The following SEMA5A variants were observed in gnomAD, a reference collection of about 807,000 sequenced individuals.
The protein encoded by SEMA5A is semaphorin-5A.
SEMA5A carries 55 observed loss-of-function variants against 135.5 expected under a neutral mutation model. The observed-to-expected ratio is 0.41, with a 90% CI of 0.33 to 0.51. The LOEUF (loss-of-function observed/expected upper bound fraction) is 0.51, where lower values mean the gene tolerates loss of function less well. Among genes scored for constraint, SEMA5A ranks in the 20% least tolerant of loss-of-function variants. SEMA5A has a pLI of 0.37. For missense variants in SEMA5A, 1,290 were observed against 1,419.9 expected (o/e 0.91, Z 1.47); for synonymous variants, 580 against 546.5 (o/e 1.06, Z -0.85).
chr5:9,235,737 G>A lies in SEMA5A; in HGVS notation c.333+2091C>T, dbSNP rs567602371. ...GAATAGTGCTTATTGATGTGTCCAT[G>A]AGACCCAGAAAGAAAGAAAAAGAGG... On this transcript the variant is annotated intron_variant, in intron 6 of 22. Transcript: ENST00000382496. Among the ~76,000 whole-genome samples the A allele has an allele frequency of 4.0e-5, 6 of 150,262 alleles. 1 individual carries two copies. The South Asian group carries it at 1.3e-3, about 31-fold the overall frequency.
intron 1 of SEMA5A, among the ~76,000 whole-genome samples, chr5:9,524,896 G>GC (rs1308873821): frequency 2.0e-5 from 3 of 152,106 alleles, no homozygotes; most frequent in Admixed American, 2.0e-4. Context: ...TCTATTGAAT[G>GC]CCCAAAATTT....
intron 12 of SEMA5A, among the ~76,000 whole-genome samples, chr5:9,141,744 G>C (rs968153639): frequency 3.3e-5 from 5 of 152,000 alleles, no homozygotes; most frequent in Non-Finnish European, 5.9e-5. Context: ...TTGTTAGTTG[G>C]AGTAACAGAA....
chr5:9,458,184 G>A (rs991120423), intron 1 of SEMA5A, among the ~76,000 whole-genome samples: 3 of 151,446 alleles, frequency 2.0e-5, no homozygotes, highest in Admixed American at 6.6e-5. Flanking sequence ...TGGGATTACA[G>A]GCGTGAGCCA....
At chr5:9,223,195 C>T (rs1561040948) in intron 8 of SEMA5A, among the ~76,000 whole-genome samples, 1 of 152,332 alleles carries the variant, frequency 6.6e-6, no homozygotes, top group South Asian at 2.1e-4. Context: ...GAAAACAATT[C>T]ATGTTTCCCT....
At chr5:9,460,591 G>A (rs1011255900) in intron 1 of SEMA5A, among the ~76,000 whole-genome samples, 4 of 151,952 alleles carry the variant, frequency 2.6e-5, no homozygotes, top group Non-Finnish European at 4.4e-5. Context: ...CTACTCACTC[G>A]AAGCAAAACG....
chr5:9,059,244 A>C (rs566148248), intron 18 of SEMA5A, among the ~76,000 whole-genome samples: 2 of 151,734 alleles, frequency 1.3e-5, no homozygotes, highest in East Asian at 3.9e-4. Flanking sequence ...TTAGCTGAAC[A>C]TTACTTAGCA....
At chr5:9,465,816 T>G (rs1759236118) in intron 1 of SEMA5A, among the ~76,000 whole-genome samples, 1 of 152,202 alleles carries the variant, frequency 6.6e-6, no homozygotes, top group Non-Finnish European at 1.5e-5. Context: ...ATTTCATTAC[T>G]TTTTACTGTT....
chr5:9,046,017 T>C (rs1372262019), intron 21 of SEMA5A: 1 of 152,252 alleles, frequency 6.6e-6, no homozygotes, highest in African/African-American at 2.4e-5. Flanking sequence ...CAGTGCCACA[T>C]CACTGGGCTT....
At chr5:9,043,273 A>G (rs939733467) in intron 22 of SEMA5A, 8 of 344,836 alleles carry the variant, frequency 2.3e-5, no homozygotes, top group Non-Finnish European at 2.6e-5. Flanking sequence ...CACGAGAAGC[A>G]GGAGGTAAGA....
chr5:9,293,012 T>C (rs1011108149), intron 5 of SEMA5A, among the ~76,000 whole-genome samples: 1 of 152,238 alleles, frequency 6.6e-6, no homozygotes, highest in Admixed American at 6.5e-5. Context: ...GAGGCGTTTC[T>C]TCTGCCCTGA....
At chr5:9,310,008 A>G (rs1437551115) in intron 5 of SEMA5A, among the ~76,000 whole-genome samples, 2 of 123,488 alleles carry the variant, frequency 1.6e-5, no homozygotes, top group Non-Finnish European at 3.7e-5. Context: ...AGCGAGTCCA[A>G]ATAAACACAG....
intron 4 of SEMA5A, among the ~76,000 whole-genome samples, chr5:9,325,293 G>A (rs1026858337): frequency 3.3e-5 from 5 of 150,250 alleles, no homozygotes; most frequent in Admixed American, 2.7e-4. Flanking sequence ...GCACATTCAC[G>A]TGCAATAAAC....
chr5:9,273,320 C>G (rs1337269786), intron 5 of SEMA5A, among the ~76,000 whole-genome samples: 1 of 152,018 alleles, frequency 6.6e-6, no homozygotes, highest in Non-Finnish European at 1.5e-5. Flanking sequence ...ACAAAGCCCC[C>G]AAGAAATATG....
At chr5:9,121,016 G>A (rs1740788410) in intron 14 of SEMA5A, among the ~76,000 whole-genome samples, 1 of 152,236 alleles carries the variant, frequency 6.6e-6, no homozygotes, top group Admixed American at 6.5e-5. Flanking sequence ...GACCTCAGGT[G>A]ATCTGCCCAC....
At chr5:9,476,506 T>C (rs1012038245) in intron 1 of SEMA5A, among the ~76,000 whole-genome samples, 5 of 152,136 alleles carry the variant, frequency 3.3e-5, no homozygotes, top group African/African-American at 4.8e-5. Flanking sequence ...GATGCCTCCA[T>C]GCCAGGTACC....
intron 6 of SEMA5A, among the ~76,000 whole-genome samples, chr5:9,231,972 G>T (rs1747655970): frequency 6.6e-6 from 1 of 152,104 alleles, no homozygotes; most frequent in South Asian, 2.1e-4. Context: ...ACCCATGTGG[G>T]CCTGTGATCC....
intron 1 of SEMA5A, among the ~76,000 whole-genome samples, chr5:9,479,006 A>G (rs1215527873): frequency 6.6e-6 from 1 of 152,092 alleles, no homozygotes; most frequent in Non-Finnish European, 1.5e-5. Flanking sequence ...CCCCCATTGT[A>G]TTCTCATGAT....
intron 11 of SEMA5A, among the ~76,000 whole-genome samples, chr5:9,168,011 T>C (rs1743706720): frequency 6.6e-6 from 1 of 152,124 alleles, no homozygotes; most frequent in Non-Finnish European, 1.5e-5. Flanking sequence ...ATGTTAAAAA[T>C]TCTATAGGTG....
chr5:9,486,270 G>A (rs1054524344), intron 1 of SEMA5A, among the ~76,000 whole-genome samples: 1 of 152,114 alleles, frequency 6.6e-6, no homozygotes, highest in Non-Finnish European at 1.5e-5. Flanking sequence ...GGCACCTGTT[G>A]AGTGGGGTGG....
Sources: allele counts gnomAD v4.1 joint callset (sites outside exome capture counted in the v4.1 genomes callset), GRCh38; gene constraint gnomAD v4.1.1; transcripts MANE v1.5; gene names NCBI Gene and HGNC (gene_info 2026-07-23, HGNC 2026-07-21).